Variants in SPAG16 observed in about 807,000 individuals in gnomAD.
SPAG16 encodes sperm associated antigen 16.
Under a neutral mutation model 80.4 loss-of-function variants are expected in SPAG16, and 86 were observed. The ratio of observed to expected loss-of-function variants is 1.07; its 90% CI spans 0.90 to 1.28. The LOEUF (loss-of-function observed/expected upper bound fraction) is 1.28. Ranked by LOEUF, SPAG16 falls within the 50% of genes most tolerant of loss-of-function variation. The pLI is 0.00. For missense variants in SPAG16, 870 were observed against 765.3 expected (o/e 1.14, Z -1.61); for synonymous variants, 294 against 265.9 (o/e 1.11, Z -1.03).
At chr2:214,258,471 G>GTATA (rs146532641) in intron 15 of SPAG16, among the ~76,000 whole-genome samples, 20,668 of 141,208 alleles carry the variant, frequency 0.15, 1,574 homozygotes, top group Middle Eastern at 0.17. Context: ...ATGTGTGTGT[G>GTATA]TATATATATA....
chr2:213,774,536 C>A (rs545638978), intron 10 of SPAG16, among the ~76,000 whole-genome samples: 330 of 152,238 alleles, frequency 2.2e-3, no homozygotes, highest in African/African-American at 7.7e-3. Flanking sequence ...ATTTTATATG[C>A]AATGGTGTTA....
At chr2:214,169,882 C>T (rs2056808365) in intron 15 of SPAG16, among the ~76,000 whole-genome samples, 2 of 151,900 alleles carry the variant, frequency 1.3e-5, no homozygotes, top group African/African-American at 2.4e-5. Flanking sequence ...ATAATTTCTG[C>T]CAGCAATACA....
intron 13 of SPAG16, among the ~76,000 whole-genome samples, chr2:214,106,518 C>A (rs1338898494): frequency 2.0e-5 from 3 of 152,066 alleles, no homozygotes; most frequent in Non-Finnish European, 4.4e-5. Flanking sequence ...TGAATTGATT[C>A]TTTAAATTGA....
At chr2:213,541,653 A>C (rs1187143468) in intron 10 of SPAG16, among the ~76,000 whole-genome samples, 2 of 152,018 alleles carry the variant, frequency 1.3e-5, no homozygotes, top group African/African-American at 4.8e-5. Flanking sequence ...AGATTGGAGG[A>C]GGTTTTGGCT....
intron 10 of SPAG16, among the ~76,000 whole-genome samples, chr2:213,743,306 G>A (rs949532840): frequency 1.3e-5 from 2 of 152,100 alleles, no homozygotes; most frequent in Non-Finnish European, 2.9e-5. Context: ...TTTTCCTAGT[G>A]CTTAGAACAA....
At chr2:213,737,198 T>G (rs2067320286) in intron 10 of SPAG16, among the ~76,000 whole-genome samples, 1 of 152,186 alleles carries the variant, frequency 6.6e-6, no homozygotes, top group Non-Finnish European at 1.5e-5. Flanking sequence ...TAGAAAAAAT[T>G]ATGATATACA....
At chr2:214,186,406 G>A (rs898378107) in intron 15 of SPAG16, among the ~76,000 whole-genome samples, 3 of 152,174 alleles carry the variant, frequency 2.0e-5, no homozygotes, top group Admixed American at 6.5e-5. Flanking sequence ...GGGCAGGAGA[G>A]AGGGGAAGAT....
intron 7 of SPAG16, among the ~76,000 whole-genome samples, chr2:213,356,974 A>T (rs1575342196): frequency 6.6e-6 from 1 of 152,160 alleles, no homozygotes; most frequent in Non-Finnish European, 1.5e-5. Flanking sequence ...ATTTCAAAGA[A>T]CGTCTTTATT....
chr2:214,220,773 C>A (rs1335180077), intron 15 of SPAG16, among the ~76,000 whole-genome samples: 1 of 152,078 alleles, frequency 6.6e-6, no homozygotes, highest in Middle Eastern at 3.2e-3. Flanking sequence ...GGCTTTTTTA[C>A]TTAAAACGTA....
chr2:213,896,699 A>G (rs2077009676), intron 11 of SPAG16, among the ~76,000 whole-genome samples: 1 of 151,928 alleles, frequency 6.6e-6, no homozygotes, highest in South Asian at 2.1e-4. Context: ...ATGATAGAAT[A>G]TCATTTAGCT....
Position 213,929,979 on chromosome 2 carries a change from T to G in SPAG16, c.1234T>G (p.Ser412Ala). The change falls in exon 12 of 16, where the codon TCA becomes GCA. Residue 412 changes from serine to alanine, a missense_variant. By Grantham distance (99) the Ser-to-Ala change is moderately conservative. Transcript: ENST00000331683. ...AAATAGTGGCGACAAATTGGCTACT[T>G]CAAGTGGTGACACTACAGTTAAATT... ...FHPSGDKLAT[S>A]SGDTTVKLWD... 1.9e-6 allele frequency: 3 copies of G among 1,608,040 alleles called. No homozygotes were observed. Among genetic ancestry groups the G allele is most frequent in the Non-Finnish European group, 2.5e-6 (3 of 1,178,232 alleles).
chr2:213,885,522 G>C (rs901680947), intron 11 of SPAG16, among the ~76,000 whole-genome samples: 1 of 152,156 alleles, frequency 6.6e-6, no homozygotes, highest in Non-Finnish European at 1.5e-5. Flanking sequence ...ATTAGTTACA[G>C]TTGGTGTTCT....
At chr2:213,531,136 T>C (rs1015461993) in intron 10 of SPAG16, among the ~76,000 whole-genome samples, 2 of 152,164 alleles carry the variant, frequency 1.3e-5, no homozygotes, top group Admixed American at 6.6e-5. Context: ...GTCTGCTGAA[T>C]GATTTGAGTG....
At chr2:214,356,343 T>C (rs1032589698) in intron 15 of SPAG16, among the ~76,000 whole-genome samples, 2 of 151,974 alleles carry the variant, frequency 1.3e-5, no homozygotes, top group Non-Finnish European at 2.9e-5. Flanking sequence ...AACATTTTCC[T>C]ACATAGGATT....
chr2:214,088,116 C>A (rs969777764), intron 13 of SPAG16, among the ~76,000 whole-genome samples: 1 of 151,706 alleles, frequency 6.6e-6, no homozygotes, highest in African/African-American at 2.4e-5. Context: ...GCAAAGGAAT[C>A]GCTATGTGGA....
In SPAG16 at chr2:213,865,904, A is replaced by G. The variant is rs372382379; in HGVS notation, c.1214+3276A>G. Among the ~76,000 whole-genome samples the G allele has an allele frequency of 1.9e-4, 28 of 147,502 alleles. No homozygotes were observed. The East Asian group carries it at 4.1e-3, about 22-fold the overall frequency. Reference sequence around the variant, plus strand: ...TAGCAACTTGGAAGGAGATAGTACTATATACACAGAAACTTATATTATATA... The same window carrying G: ...TAGCAACTTGGAAGGAGATAGTACTGTATACACAGAAACTTATATTATATA... On this transcript the variant is annotated intron_variant, in intron 11 of 15. Transcript: ENST00000331683.
At chr2:213,653,415 C>A (rs2063098383) in intron 10 of SPAG16, among the ~76,000 whole-genome samples, 1 of 152,160 alleles carries the variant, frequency 6.6e-6, no homozygotes, top group South Asian at 2.1e-4. Flanking sequence ...CTCTTGAGCT[C>A]ACATTTGCAT....
intron 10 of SPAG16, among the ~76,000 whole-genome samples, chr2:213,618,436 A>G (rs947116322): frequency 6.6e-6 from 1 of 152,174 alleles, no homozygotes; most frequent in African/African-American, 2.4e-5. Context: ...CTGCCTCCCA[A>G]CATACAAACA....
intron 15 of SPAG16, among the ~76,000 whole-genome samples, chr2:214,392,989 C>T (rs933278612): frequency 3.3e-5 from 5 of 152,064 alleles, no homozygotes; most frequent in Non-Finnish European, 7.4e-5. Context: ...TCATTATTAT[C>T]CAAGCAGCTA....
Sources: allele counts gnomAD v4.1 joint callset (sites outside exome capture counted in the v4.1 genomes callset), GRCh38; gene constraint gnomAD v4.1.1; transcripts MANE v1.5; gene names NCBI Gene and HGNC (gene_info 2026-07-23, HGNC 2026-07-21).